PPP3CA: variants seen among roughly 807,000 people sequenced by gnomAD.
The protein encoded by PPP3CA is protein phosphatase 3 catalytic subunit alpha.
In PPP3CA, 14 loss-of-function variants were observed where a neutral mutation model predicts 66.5. The observed-to-expected ratio is 0.21, with a 90% confidence interval of 0.14 to 0.33. The LOEUF is 0.33. Ranked by LOEUF, PPP3CA falls within the 10% of genes least tolerant of loss-of-function variation. The pLI is 1.00. For synonymous variants in PPP3CA, 232 were observed against 226.2 expected (o/e 1.03, Z -0.23); for missense variants, 317 against 639.5 (o/e 0.50, Z 5.44).
chr4:101,242,658 G>GCAAC (rs1726350322), intron 1 of PPP3CA, among the ~76,000 whole-genome samples: 1 of 152,150 alleles, frequency 6.6e-6, no homozygotes, highest in Non-Finnish European at 1.5e-5. Context: ...TGGGCCAGGT[G>GCAAC]TGGTTGCTCA....
At chr4:101,246,922 A>G (rs2110239754) in intron 1 of PPP3CA, among the ~76,000 whole-genome samples, 1 of 152,308 alleles carries the variant, frequency 6.6e-6, no homozygotes, top group African/African-American at 2.4e-5. Context: ...TTCGTCTTCT[A>G]GCTACCCCAC....
At chr4:101,281,226 G>C (rs898076269) in intron 1 of PPP3CA, among the ~76,000 whole-genome samples, 4 of 152,240 alleles carry the variant, frequency 2.6e-5, no homozygotes, top group African/African-American at 9.6e-5. Context: ...AATGGGAGAA[G>C]AGCAATTTGA....
chr4:101,312,902 A>G (rs1286065954), intron 1 of PPP3CA, among the ~76,000 whole-genome samples: 1 of 152,242 alleles, frequency 6.6e-6, no homozygotes, highest in East Asian at 1.9e-4. Context: ...ACATATCAAC[A>G]TTCTGGCTAC....
At chr4:101,053,506 G>A (rs28590461) in intron 10 of PPP3CA, among the ~76,000 whole-genome samples, 9,684 of 152,154 alleles carry the variant, frequency 0.064, 353 homozygotes, top group African/African-American at 0.093. Flanking sequence ...TTTATTCTAA[G>A]TCAGCAACTT....
intron 1 of PPP3CA, among the ~76,000 whole-genome samples, chr4:101,310,064 A>G (rs1350444105): frequency 6.6e-6 from 1 of 152,206 alleles, no homozygotes; most frequent in Non-Finnish European, 1.5e-5. Flanking sequence ...ACTAAAATAT[A>G]CCAGTTGTAC....
chr4:101,064,200 C>T (rs961853273), intron 8 of PPP3CA, among the ~76,000 whole-genome samples: 1 of 151,900 alleles, frequency 6.6e-6, no homozygotes, highest in South Asian at 2.1e-4. Context: ...TCTGTGAGTA[C>T]TTTCAATAAA....
chr4:101,228,634 T>G (rs1424956985), intron 1 of PPP3CA, among the ~76,000 whole-genome samples: 1 of 151,618 alleles, frequency 6.6e-6, no homozygotes, highest in African/African-American at 2.4e-5. Flanking sequence ...TTTTCTTTCC[T>G]GCCAAAAAAA....
intron 1 of PPP3CA, among the ~76,000 whole-genome samples, chr4:101,314,217 A>C (rs1275058020): frequency 6.6e-6 from 1 of 152,188 alleles, no homozygotes; most frequent in African/African-American, 2.4e-5. Context: ...ATTAGTGTAG[A>C]TATTTCAACA....
chr4:101,196,145 T>C, intron 1 of PPP3CA, 29 bp from the exon 2 acceptor site: 1 of 1,602,006 alleles, frequency 6.2e-7, no homozygotes, highest in Non-Finnish European at 8.5e-7. Flanking sequence ...AATTATTACA[T>C]TAGCCAAAAC....
intron 6 of PPP3CA, among the ~76,000 whole-genome samples, chr4:101,088,584 C>CAAA (rs1174497803): frequency 2.6e-3 from 92 of 35,562 alleles, no homozygotes; most frequent in African/African-American, 4.2e-3. Flanking sequence ...GACTCCATCT[C>CAAA]AAAAAAAAAA....
chr4:101,238,413 TA>T (rs1186201741), intron 1 of PPP3CA, among the ~76,000 whole-genome samples: 2 of 151,920 alleles, frequency 1.3e-5, no homozygotes, highest in Non-Finnish European at 2.9e-5. Context: ...TTTTTACAAT[TA>T]ATATAAGAAT....
chr4:101,040,831 A>G (rs1164306633), intron 10 of PPP3CA, among the ~76,000 whole-genome samples: 1 of 152,150 alleles, frequency 6.6e-6, no homozygotes, highest in African/African-American at 2.4e-5. Context: ...CTAACTGGAA[A>G]ATCACTGAGC....
chr4:101,075,594 A>G (rs1269683507), intron 8 of PPP3CA, among the ~76,000 whole-genome samples: 1 of 152,226 alleles, frequency 6.6e-6, no homozygotes, highest in Non-Finnish European at 1.5e-5. Context: ...GTACCTCTAC[A>G]GAGAAAATGA....
intron 1 of PPP3CA, among the ~76,000 whole-genome samples, chr4:101,286,865 C>CCCA (rs1727861229): frequency 6.6e-6 from 1 of 152,160 alleles, no homozygotes; most frequent in Non-Finnish European, 1.5e-5. Flanking sequence ...TCAGCTGTCA[C>CCCA]CTGTGACAGA....
At chr4:101,229,276 T>C (rs1216866396) in intron 1 of PPP3CA, among the ~76,000 whole-genome samples, 1 of 151,132 alleles carries the variant, frequency 6.6e-6, no homozygotes, top group East Asian at 1.9e-4. Flanking sequence ...AAAAGAAAAA[T>C]GCCTTGTGGT....
At chr4:101,163,495 C>T (rs1045887366) in intron 2 of PPP3CA, among the ~76,000 whole-genome samples, 2 of 152,108 alleles carry the variant, frequency 1.3e-5, no homozygotes, top group Non-Finnish European at 2.9e-5. Flanking sequence ...TCTGTAATTG[C>T]TTGATGTAGG....
At chr4:101,154,731 G>A (rs1723256426) in intron 2 of PPP3CA, among the ~76,000 whole-genome samples, 1 of 150,830 alleles carries the variant, frequency 6.6e-6, no homozygotes, top group African/African-American at 2.4e-5. Flanking sequence ...TTTCAAATAT[G>A]CACTGAATTA....
chr4:101,321,338 A>C (rs1273534091), intron 1 of PPP3CA, among the ~76,000 whole-genome samples: 1 of 152,234 alleles, frequency 6.6e-6, no homozygotes, highest in African/African-American at 2.4e-5. Context: ...ATTTAAAAAA[A>C]CAGATATAGT....
intron 1 of PPP3CA, among the ~76,000 whole-genome samples, chr4:101,219,685 A>T (rs897911441): frequency 6.6e-6 from 1 of 151,852 alleles, no homozygotes; most frequent in South Asian, 2.1e-4. Context: ...CAACACCTAG[A>T]ATAAAATGAA....
Sources: gnomAD v4.1 joint callset for allele counts (sites outside exome capture counted in the v4.1 genomes callset) on GRCh38, gnomAD v4.1.1 for gene constraint, MANE v1.5 for transcripts, NCBI Gene and HGNC (gene_info 2026-07-23, HGNC 2026-07-21) for gene names.